The following TF variants were observed in gnomAD, a reference collection of about 807,000 sequenced individuals.
TF encodes transferrin, also known as serotransferrin.
TF carries 55 observed loss-of-function variants against 82.4 expected under a neutral mutation model. The ratio of observed to expected loss-of-function variants is 0.67; its 90% CI spans 0.54 to 0.84. The LOEUF is 0.84. Among genes scored for constraint, TF ranks in the 40% least tolerant of loss-of-function variants. The pLI is 0.00. For missense variants in TF, 737 were observed against 868.4 expected (o/e 0.85, Z 1.90); for synonymous variants, 332 against 332.6 (o/e 1.00, Z 0.02).
the TF span, among the ~76,000 whole-genome samples, chr3:133,708,328 C>T: frequency 4.6e-5 from 7 of 152,058 alleles, no homozygotes; most frequent in East Asian, 1.9e-4. Context: ...AGCAAGACTC[C>T]GTCTCAAAAA....
the TF span, among the ~76,000 whole-genome samples, chr3:133,677,934 A>G: frequency 1.3e-5 from 2 of 152,254 alleles, no homozygotes; most frequent in African/African-American, 4.8e-5. Flanking sequence ...ATAGGTATAC[A>G]CATGCCATGG....
chr3:133,778,543 T>C, intron 16 of TF, 43 bp from the exon 17 acceptor site: 1 of 1,605,138 alleles, frequency 6.2e-7, no homozygotes. Context: ...GAAATAAATA[T>C]AGGAAGATTT....
At chr3:133,768,640 A>T (rs1934186893) in intron 13 of TF, among the ~76,000 whole-genome samples, 1 of 151,926 alleles carries the variant, frequency 6.6e-6, no homozygotes, top group Admixed American at 6.5e-5. Flanking sequence ...GTTTGGCTCA[A>T]GCTTTTCCAT....
At position 133,781,366 on chromosome 3, in the gene TF, GAT is replaced by G. The variant is rs1343207340; in HGVS notation, c.*2748_*2749del. The G allele has an allele frequency of 6.6e-6, 1 of 151,690 alleles. No individual in the cohort carries two copies. Among genetic ancestry groups the G allele is most frequent in the African/African-American group, 2.4e-5 (1 of 41,340 alleles). The allele number at this position is 151,690 out of a possible 1,614,324, so 9.4% of individuals were successfully genotyped here. A position where few individuals can be genotyped will look rare whatever the true frequency, so the allele number is the denominator to read the frequency against. On this transcript the variant is annotated 3_prime_UTR_variant, in exon 17 of 17. Coordinates refer to ENST00000402696, the MANE Select transcript of TF (RefSeq NM_001063.4). ...ATAAATAAAGTGGTAAAAGTGGTAA[GAT>G]AAAATTCAGTAAAGTGAAAGGAAAT...
At chr3:133,696,326 T>C in the TF span, among the ~76,000 whole-genome samples, 2 of 152,138 alleles carry the variant, frequency 1.3e-5, no homozygotes. Flanking sequence ...TTTTATTAAT[T>C]ATTGTTGTTA....
chr3:133,746,131 C>G, upstream of TF: 1 of 492,458 alleles, frequency 2.0e-6, no homozygotes, highest in Non-Finnish European at 3.7e-6. Context: ...CGTAGCCGCT[C>G]CTGGCACCGA....
intron 3 of TF, 109 bp from the exon 4 acceptor site, chr3:133,754,386 G>A (rs1486864196): frequency 8.5e-7 from 1 of 1,176,266 alleles, no homozygotes; most frequent in Non-Finnish European, 1.3e-6. Flanking sequence ...GCCCAGTCCA[G>A]TAAAAGCATG....
chr3:133,752,883 T>C (rs750626937), intron 2 of TF, among the ~76,000 whole-genome samples: 18 of 152,094 alleles, frequency 1.2e-4, no homozygotes, highest in Non-Finnish European at 1.2e-4. Context: ...ATGGAAATAA[T>C]AATCAAGCTT....
chr3:133,721,982 C>A, the TF span, among the ~76,000 whole-genome samples: 1 of 152,058 alleles, frequency 6.6e-6, no homozygotes, highest in Non-Finnish European at 1.5e-5. Context: ...TGGGGTCAAG[C>A]CATCCTCCCA....
chr3:133,664,572 A>G, the TF span, among the ~76,000 whole-genome samples: 1 of 152,122 alleles, frequency 6.6e-6, no homozygotes, highest in African/African-American at 2.4e-5. Flanking sequence ...CACCTGACTC[A>G]GCCTCCCAAA....
At chr3:133,755,859 C>G in intron 5 of TF, 1 of 444,392 alleles carries the variant, frequency 2.3e-6, no homozygotes, top group African/African-American at 2.0e-5. Context: ...AGCAGTGTTA[C>G]CTGCTCAGCA....
Position 133,759,207 on chromosome 3 carries a change from G to T in TF, c.1081G>T (p.Val361Leu), listed in dbSNP as rs1933918136. ...PEAPTDECKP[V>L]KWCALSHHER... ...AGCCCCAACAGATGAATGCAAGCCT[G>T]TGAAGTGGTGTGCGCTGAGCCACCA... Residue 361 changes from valine to leucine, a missense_variant, in exon 9 of 17, where the codon GTG (valine) becomes TTG (leucine). Coordinates refer to ENST00000402696, the MANE Select transcript of TF (RefSeq NM_001063.4). 2 of 1,614,182 alleles carry T rather than the reference G, an allele frequency of 1.2e-6. No individual in the cohort carries two copies. The highest frequency in any genetic ancestry group is 1.7e-5 in the Admixed American group (1 of 60,022).
chr3:133,737,035 C>T, the TF span, among the ~76,000 whole-genome samples: 19 of 152,136 alleles, frequency 1.2e-4, no homozygotes, highest in Non-Finnish European at 2.5e-4. Flanking sequence ...AGCACCACAT[C>T]GCACTTATTC....
the TF span, among the ~76,000 whole-genome samples, chr3:133,694,886 A>ATTTATTTATTTAT: frequency 2.1e-4 from 24 of 116,042 alleles, no homozygotes; most frequent in African/African-American, 4.1e-4. Context: ...TTATTTATTT[A>ATTTATTTATTTAT]TTATTATTAT....
the TF span, among the ~76,000 whole-genome samples, chr3:133,690,410 A>G: frequency 1.3e-5 from 2 of 152,256 alleles, no homozygotes; most frequent in African/African-American, 4.8e-5. Context: ...ATAACAGTTT[A>G]TATTTAGTAA....
At chr3:133,664,246 C>G in the TF span, among the ~76,000 whole-genome samples, 1 of 152,200 alleles carries the variant, frequency 6.6e-6, no homozygotes, top group Non-Finnish European at 1.5e-5. Flanking sequence ...AGGATTGATT[C>G]CAAGGCCCCC....
chr3:133,677,258 A>G, the TF span, among the ~76,000 whole-genome samples: 1 of 152,196 alleles, frequency 6.6e-6, no homozygotes, highest in Non-Finnish European at 1.5e-5. Flanking sequence ...TTAAATTGTC[A>G]TATGGCCAGT....
At chr3:133,665,608 C>T in the TF span, among the ~76,000 whole-genome samples, 1 of 151,984 alleles carries the variant, frequency 6.6e-6, no homozygotes, top group Non-Finnish European at 1.5e-5. Context: ...TCTCTCCAGA[C>T]CCTGCTTGGG....
At chr3:133,678,677 T>C in the TF span, among the ~76,000 whole-genome samples, 16 of 152,266 alleles carry the variant, frequency 1.1e-4, no homozygotes, top group African/African-American at 2.4e-5. Flanking sequence ...AAGTGTCTGT[T>C]CATATCCTTT....
Sources: gnomAD v4.1 joint callset for allele counts (sites outside exome capture counted in the v4.1 genomes callset) on GRCh38, gnomAD v4.1.1 for gene constraint, MANE v1.5 for transcripts, NCBI Gene and HGNC (gene_info 2026-07-23, HGNC 2026-07-21) for gene names.